Variants in CSMD1 observed in about 807,000 individuals in gnomAD.
CSMD1 encodes CUB and Sushi multiple domains 1.
A neutral mutation model predicts 417.5 loss-of-function variants in CSMD1; 213 were observed. The observed-to-expected ratio is 0.51, with a 90% CI of 0.46 to 0.57. CSMD1 has a LOEUF of 0.57. Among genes scored for constraint, CSMD1 ranks in the 20% least tolerant of loss-of-function variants. The pLI, the probability that CSMD1 is intolerant of heterozygous loss-of-function variation, is 0.00. For synonymous variants in CSMD1, 2,862 were observed against 1,736.8 expected, an observed-to-expected ratio of 1.65 and a Z score of -16.11; for missense variants, 6,923 against 4,529.7, an observed-to-expected ratio of 1.53 and a Z score of -15.17.
At chr8:2,999,850 G>T in intron 53 of CSMD1, 108 bp downstream of exon 53, 1 of 966,666 alleles carries the variant, frequency 1.0e-6, no homozygotes, top group East Asian at 2.8e-5. Flanking sequence ...AAAGTTTGCT[G>T]TTCCCTTTTA....
chr8:4,860,181 T>A (rs1461974791), intron 1 of CSMD1, among the ~76,000 whole-genome samples: 1 of 144,506 alleles, frequency 6.9e-6, no homozygotes, highest in Admixed American at 7.4e-5. Flanking sequence ...AAACACCGCA[T>A]ATTCTCACTC....
chr8:3,822,995 G>A (rs890455818), intron 5 of CSMD1, among the ~76,000 whole-genome samples: 1 of 152,076 alleles, frequency 6.6e-6, no homozygotes, highest in African/African-American at 2.4e-5. Context: ...GTTCCCTTTG[G>A]TTACGAAGGC....
intron 3 of CSMD1, among the ~76,000 whole-genome samples, chr8:4,036,049 T>C (rs938971845): frequency 1.3e-5 from 2 of 152,222 alleles, no homozygotes; most frequent in Non-Finnish European, 2.9e-5. Flanking sequence ...CTGACCATTA[T>C]GTTATAGTTG....
chr8:3,727,274 T>G (rs1333242279), intron 6 of CSMD1, among the ~76,000 whole-genome samples: 1 of 152,242 alleles, frequency 6.6e-6, no homozygotes, highest in Admixed American at 6.5e-5. Context: ...TAATTCTACA[T>G]ACACATACCT....
chr8:4,434,027 A>G lies in CSMD1; in HGVS notation c.303-13962T>C, dbSNP rs117985312. On this transcript the variant is annotated intron_variant, in intron 2 of 69. Transcript: ENST00000635120. ...AGCTTCAATTCTTTTCAAAGATATGACAAGGAATTTTAAATATCTGGATCT... is the reference window on the plus strand; with the variant it reads ...AGCTTCAATTCTTTTCAAAGATATGGCAAGGAATTTTAAATATCTGGATCT... 1.2e-3 allele frequency among the ~76,000 whole-genome samples: 189 copies of G among 152,272 alleles called. 2 individuals are homozygous for G. The East Asian group carries it at 0.023, about 18-fold the overall frequency.
At chr8:4,972,770 T>C (rs1390775009) in intron 1 of CSMD1, among the ~76,000 whole-genome samples, 3 of 152,198 alleles carry the variant, frequency 2.0e-5, no homozygotes, top group African/African-American at 7.2e-5. Flanking sequence ...GCTATCTAAA[T>C]GACAGGCATC....
At chr8:3,921,587 T>A (rs1809269241) in intron 5 of CSMD1, among the ~76,000 whole-genome samples, 1 of 152,128 alleles carries the variant, frequency 6.6e-6, no homozygotes, top group South Asian at 2.1e-4. Context: ...TGTGCTTGGT[T>A]TCCATTTTCA....
intron 4 of CSMD1, among the ~76,000 whole-genome samples, chr8:4,015,471 C>T (rs932108802): frequency 6.6e-6 from 1 of 151,938 alleles, no homozygotes; most frequent in Non-Finnish European, 1.5e-5. Context: ...TTACGTAAGG[C>T]TTAACAATTA....
At chr8:3,455,073 CA>C (rs1436403409) in intron 12 of CSMD1, among the ~76,000 whole-genome samples, 1 of 152,186 alleles carries the variant, frequency 6.6e-6, no homozygotes, top group African/African-American at 2.4e-5. Flanking sequence ...GATCTTCCAT[CA>C]CTGATACCCT....
chr8:4,119,841 G>C (rs754554144), intron 3 of CSMD1, among the ~76,000 whole-genome samples: 1 of 152,220 alleles, frequency 6.6e-6, no homozygotes, highest in Non-Finnish European at 1.5e-5. Context: ...ACACGTTTGT[G>C]TATGTTTCTG....
At chr8:4,211,204 CT>C (rs34064207) in intron 3 of CSMD1, among the ~76,000 whole-genome samples, 162 of 145,068 alleles carry the variant, frequency 1.1e-3, no homozygotes, top group Admixed American at 1.1e-3. Context: ...AGTCATTTGC[CT>C]TTTTTTTTTT....
intron 10 of CSMD1, among the ~76,000 whole-genome samples, chr8:3,500,525 G>A (rs1011727504): frequency 4.6e-5 from 7 of 152,136 alleles, no homozygotes; most frequent in South Asian, 2.1e-4. Flanking sequence ...GAATGAGGAT[G>A]AGCTGCAGTC....
intron 3 of CSMD1, among the ~76,000 whole-genome samples, chr8:4,123,259 G>A (rs3891533): frequency 0.15 from 23,489 of 152,138 alleles, 1,989 homozygotes; most frequent in South Asian, 0.3. Context: ...AATGATACAG[G>A]CTTTGTAGCT....
intron 26 of CSMD1, among the ~76,000 whole-genome samples, chr8:3,247,745 T>C (rs1013842728): frequency 6.6e-6 from 1 of 152,234 alleles, no homozygotes; most frequent in Middle Eastern, 3.4e-3. Flanking sequence ...GAATGAAATG[T>C]TACACTAAAA....
chr8:3,022,120 C>G (rs1359073502), intron 51 of CSMD1, among the ~76,000 whole-genome samples: 1 of 138,340 alleles, frequency 7.2e-6, no homozygotes, highest in Admixed American at 7.3e-5. Flanking sequence ...GGAATACACC[C>G]GCAATCCCAC....
chr8:3,189,793 T>C, intron 34 of CSMD1, 119 bp downstream of exon 34: 1 of 837,670 alleles, frequency 1.2e-6, no homozygotes, highest in Non-Finnish European at 1.8e-6. Context: ...TGAAACAAAC[T>C]GCCCTTTAAA....
At chr8:4,310,089 C>T (rs1798475224) in intron 3 of CSMD1, among the ~76,000 whole-genome samples, 1 of 152,160 alleles carries the variant, frequency 6.6e-6, no homozygotes. Flanking sequence ...CTGCAATTAT[C>T]ACCTCTCAGA....
At chr8:3,199,512 A>G (rs1796877539) in intron 33 of CSMD1, among the ~76,000 whole-genome samples, 1 of 152,192 alleles carries the variant, frequency 6.6e-6, no homozygotes, top group Non-Finnish European at 1.5e-5. Context: ...GTGTTTTTGT[A>G]GTAGAAATAT....
chr8:3,209,657 C>T (rs1418960735), intron 30 of CSMD1, among the ~76,000 whole-genome samples: 4 of 152,094 alleles, frequency 2.6e-5, no homozygotes, highest in African/African-American at 2.4e-5. Context: ...CATTACTGTG[C>T]TAATCTAAGA....
Sources: gnomAD v4.1 joint callset for allele counts (sites outside exome capture counted in the v4.1 genomes callset) on GRCh38, gnomAD v4.1.1 for gene constraint, MANE v1.5 for transcripts, NCBI Gene and HGNC (gene_info 2026-07-23, HGNC 2026-07-21) for gene names.